FAM169A: variants seen among roughly 807,000 people sequenced by gnomAD.
FAM169A encodes the protein soluble lamin-associated protein of 75 kDa.
A neutral mutation model predicts 75.7 loss-of-function variants in FAM169A; 24 were observed. The observed-to-expected ratio is 0.32, with a 90% confidence interval of 0.23 to 0.45. FAM169A has a LOEUF of 0.45. Among genes scored for constraint, FAM169A ranks in the 20% least tolerant of loss-of-function variants. The probability of loss-of-function intolerance (pLI) is 1.00; values close to 1 mark genes in which losing one functional copy is unlikely to be tolerated. For synonymous variants in FAM169A, 271 were observed against 271.0 expected (o/e 1.00, Z 0.00); for missense variants, 673 against 784.0 (o/e 0.86, Z 1.69).
intron 5 of FAM169A, among the ~76,000 whole-genome samples, chr5:74,832,041 C>T (rs1298471031): frequency 6.6e-6 from 1 of 152,084 alleles, no homozygotes; most frequent in Non-Finnish European, 1.5e-5. Flanking sequence ...GAACCACAAG[C>T]AACTATTTTC....
intron 1 of FAM169A, among the ~76,000 whole-genome samples, chr5:74,861,240 T>C (rs1055887861): frequency 1.3e-5 from 2 of 152,204 alleles, no homozygotes; most frequent in African/African-American, 2.4e-5. Flanking sequence ...ACTTATAATA[T>C]TTCACCTAAC....
intron 1 of FAM169A, among the ~76,000 whole-genome samples, chr5:74,850,757 T>C (rs1488453380): frequency 1.3e-5 from 2 of 152,236 alleles, no homozygotes; most frequent in African/African-American, 2.4e-5. Flanking sequence ...GTATGACTTA[T>C]ACAATCTAAT....
At chr5:74,853,040 C>A (rs1749522048) in intron 1 of FAM169A, among the ~76,000 whole-genome samples, 1 of 152,262 alleles carries the variant, frequency 6.6e-6, no homozygotes, top group Admixed American at 6.5e-5. Context: ...CAGGCTCAGA[C>A]CTCCAGAGAG....
At chr5:74,812,372 C>T (rs1747243271) in intron 6 of FAM169A, among the ~76,000 whole-genome samples, 1 of 152,056 alleles carries the variant, frequency 6.6e-6, no homozygotes, top group Non-Finnish European at 1.5e-5. Context: ...AGCGATCCAC[C>T]CACCTCGGGC....
intron 6 of FAM169A, 129 bp downstream of exon 6, chr5:74,813,710 AG>A: frequency 1.8e-6 from 1 of 548,594 alleles, no homozygotes; most frequent in Non-Finnish European, 3.0e-6. Context: ...CATTTGCCAA[AG>A]TAAGTTCTAG....
At chr5:74,831,447 G>T (rs1268415675) in intron 5 of FAM169A, among the ~76,000 whole-genome samples, 1 of 152,048 alleles carries the variant, frequency 6.6e-6, no homozygotes, top group Non-Finnish European at 1.5e-5. Flanking sequence ...AAATGAAAAA[G>T]AATAGAGAGT....
At position 74,777,869 on chromosome 5, in the gene FAM169A, T is replaced by A. The variant is rs1745200659; in HGVS notation, c.*3591A>T. On this transcript the variant is annotated 3_prime_UTR_variant, in exon 13 of 13. Transcript: ENST00000687041. The stretch of plus-strand genomic sequence containing the variant: ...AATGTAACATTTTTTCTAAGTTCTA[T>A]AAATATATACTGGAAGTTTTAGAAC... 1 of 152,082 alleles carries A rather than the reference T, an allele frequency of 6.6e-6. No individual in the cohort carries two copies. The highest frequency in any genetic ancestry group is 2.1e-4 in the South Asian group (1 of 4,834). 9.4% of individuals were successfully genotyped at this position (152,082 alleles called of 1,614,324 possible). A position where few individuals can be genotyped will look rare whatever the true frequency, so the allele number is the denominator to read the frequency against.
In FAM169A at chr5:74,828,858, G is replaced by C. The variant is rs573678091; in HGVS notation, c.490+5568C>G. 2.0e-5 allele frequency among the ~76,000 whole-genome samples: 3 copies of C among 152,192 alleles called. No homozygotes were observed. In the East Asian group the frequency reaches 5.8e-4, roughly 29 times the overall value. On this transcript the variant is annotated intron_variant, in intron 5 of 12. Transcript: ENST00000687041. ...TTTGCAAGAGAGAGTAGAGGCTGAG[G>C]CACGTGTTCAACCCACCCTCTTTAA... is the stretch of plus-strand genomic sequence containing the variant.
At chr5:74,843,103 TATAA>T (rs1443934219) in intron 1 of FAM169A, among the ~76,000 whole-genome samples, 7 of 152,096 alleles carry the variant, frequency 4.6e-5, no homozygotes, top group Non-Finnish European at 8.8e-5. Flanking sequence ...AAAAAGAAAG[TATAA>T]ATAGAGATGA....
At chr5:74,835,486 C>T (rs1748524355) in intron 4 of FAM169A, among the ~76,000 whole-genome samples, 1 of 151,212 alleles carries the variant, frequency 6.6e-6, no homozygotes, top group Non-Finnish European at 1.5e-5. Context: ...CCTGTAGTCC[C>T]AGCTATTCAG....
At chr5:74,846,425 G>C (rs1457081737) in intron 1 of FAM169A, among the ~76,000 whole-genome samples, 2 of 152,146 alleles carry the variant, frequency 1.3e-5, no homozygotes, top group Non-Finnish European at 2.9e-5. Flanking sequence ...GGACATAAGA[G>C]TTTGATAGAA....
upstream of FAM169A, chr5:74,866,845 C>G (rs545849580): frequency 3.9e-5 from 38 of 985,584 alleles, no homozygotes; most frequent in African/African-American, 6.3e-4. Context: ...CCATCCCGGC[C>G]TCGGGACAGG....
chr5:74,850,229 G>A (rs1749370411), intron 1 of FAM169A, among the ~76,000 whole-genome samples: 1 of 152,184 alleles, frequency 6.6e-6, no homozygotes, highest in Admixed American at 6.5e-5. Flanking sequence ...CTACTAGTAA[G>A]CAGCAGAGCT....
At chr5:74,835,224 G>A (rs1054906809) in intron 4 of FAM169A, among the ~76,000 whole-genome samples, 11 of 152,102 alleles carry the variant, frequency 7.2e-5, no homozygotes, top group Non-Finnish European at 1.5e-4. Context: ...AACAGAAACA[G>A]AGTCTCACTT....
At chr5:74,782,658 T>A (rs1243591657) in intron 12 of FAM169A, among the ~76,000 whole-genome samples, 1 of 152,236 alleles carries the variant, frequency 6.6e-6, no homozygotes, top group East Asian at 1.9e-4. Context: ...TGGTAAATAA[T>A]GCTTTATCCA....
At chr5:74,859,881 T>C (rs1340073300) in intron 1 of FAM169A, among the ~76,000 whole-genome samples, 1 of 151,978 alleles carries the variant, frequency 6.6e-6, no homozygotes, top group African/African-American at 2.4e-5. Flanking sequence ...CTCAACGAAG[T>C]GTCATACATG....
chr5:74,785,521 G>A (rs1745652591), intron 11 of FAM169A, among the ~76,000 whole-genome samples: 1 of 152,126 alleles, frequency 6.6e-6, no homozygotes. Flanking sequence ...CAGCACACTG[G>A]GAGGCAGAGG....
chr5:74,841,574 G>A lies in FAM169A; in HGVS notation c.103C>T (p.Pro35Ser). The change falls in exon 2 of 13, where the codon CCA becomes TCA. Residue 35 changes from proline (P) to serine (S), a missense_variant. This residue lies in a region of FAM169A where 56 missense variants were observed against 52.2 expected (regional missense o/e 1.07). Transcript: ENST00000687041. ...ATATTGAGAAGAGAAAAACACTCTG[G>A]ATTTTCAGGGTCCCCACACCTTAAA... ...SDLRCGDPEN[P>S]ECFSLLNITI... is the part of the protein sequence containing the mutation. 1 of 1,613,102 alleles carries A rather than the reference G, an allele frequency of 6.2e-7. No individual in the cohort carries two copies.
intron 2 of FAM169A, 22 bp from the exon 3 acceptor site, chr5:74,840,195 G>A: frequency 8.6e-7 from 1 of 1,162,672 alleles, no homozygotes; most frequent in African/African-American, 1.6e-5. Context: ...AATTAATAAA[G>A]ATTAGTGAAC....
Sources: gnomAD v4.1 joint callset for allele counts (sites outside exome capture counted in the v4.1 genomes callset) on GRCh38, gnomAD v4.1.1 for gene constraint, gnomAD v4.1.1 regional missense constraint, MANE v1.5 for transcripts, NCBI Gene and HGNC (gene_info 2026-07-23, HGNC 2026-07-21) for gene names.